MAP3K21: variants seen among roughly 807,000 people sequenced by gnomAD.
MAP3K21 encodes mitogen-activated protein kinase kinase kinase 21, also known as mitogen-activated protein kinase kinase kinase MLK4.
In MAP3K21, 63 loss-of-function variants were observed where a neutral mutation model predicts 86.1. The observed-to-expected ratio is 0.73, with a 90% CI of 0.60 to 0.90. The LOEUF (loss-of-function observed/expected upper bound fraction) is 0.90, where lower values mean the gene tolerates loss of function less well. Among genes scored for constraint, MAP3K21 ranks in the 40% least tolerant of loss-of-function variants. The pLI, the probability that MAP3K21 is intolerant of heterozygous loss-of-function variation, is 0.00. For synonymous variants in MAP3K21, 558 were observed against 564.8 expected, an observed-to-expected ratio of 0.99 and a Z score of 0.17; for missense variants, 1,220 against 1,367.7, an observed-to-expected ratio of 0.89 and a Z score of 1.70.
chr1:233,368,022 G>A (rs1169710501), intron 5 of MAP3K21, among the ~76,000 whole-genome samples: 1 of 152,146 alleles, frequency 6.6e-6, no homozygotes, highest in Non-Finnish European at 1.5e-5. Context: ...GGCTTTCCAC[G>A]TGTTCCATGT....
Position 233,362,250 on chromosome 1 carries a change from T to C in MAP3K21, c.1509T>C (p.Ser503=). 1 of 1,614,188 alleles carries C rather than the reference T, an allele frequency of 6.2e-7. No homozygotes were observed. Among genetic ancestry groups the C allele is most frequent in the East Asian group, 2.2e-5 (1 of 44,888 alleles). ...VKKRKGKFKR[S]RLKLKDGHRI... is the part of the protein sequence containing the mutation. ...AGAGGAAGGGCAAGTTTAAGAGAAG[T>C]CGTTTAAAGCTCAAAGATGGACATC... The change falls in exon 5 of 10, where the codon AGT becomes AGC. Residue 503 remains serine, a synonymous_variant. Coordinates refer to ENST00000366624, the MANE Select transcript of MAP3K21 (RefSeq NM_032435.3).
intron 6 of MAP3K21, among the ~76,000 whole-genome samples, chr1:233,375,079 T>C (rs1663764852): frequency 1.3e-5 from 2 of 151,770 alleles, no homozygotes; most frequent in Non-Finnish European, 2.9e-5. Context: ...GTAGCTGGGA[T>C]TACAGGCGCC....
Position 233,384,000 on chromosome 1 carries a change from A to G in MAP3K21, c.*1289A>G, listed in dbSNP as rs748923487. On this transcript the variant is annotated 3_prime_UTR_variant, in exon 10 of 10. Transcript: ENST00000366624. ...AAATGGCTACCCGAGAGCTTGGTAA[A>G]TTTGCCTTGGTTTCTTATGTTAAAT... 3 of 152,118 alleles carry G rather than the reference A, an allele frequency of 2.0e-5. No homozygotes were observed. The highest frequency in any genetic ancestry group is 4.4e-5 in the Non-Finnish European group (3 of 67,984). 9.4% of individuals were successfully genotyped at this position (152,118 alleles called of 1,614,324 possible).
In MAP3K21 at chr1:233,327,761, C is replaced by A. The variant is rs1056120173; in HGVS notation, c.-268C>A. ...GGCTAAGGAGCGCGCGGCGGGCGGG[C>A]CGGCCGCAGGGCCTGGGCACGACCA... On this transcript the variant is annotated 5_prime_UTR_variant, in exon 1 of 10. Transcript: ENST00000366624. 1.1e-5 allele frequency: 3 copies of A among 272,462 alleles called. No individual in the cohort carries two copies. The highest frequency in any genetic ancestry group is 2.0e-5 in the Non-Finnish European group (3 of 146,638). 16.9% of individuals were successfully genotyped at this position (272,462 alleles called of 1,614,324 possible).
chr1:233,377,357 C>G (rs563831953), intron 8 of MAP3K21, among the ~76,000 whole-genome samples: 51 of 152,096 alleles, frequency 3.4e-4, no homozygotes, highest in African/African-American at 1.2e-3. Flanking sequence ...ATTAAAGATG[C>G]CTTAGCAAGA....
chr1:233,359,641 G>A (rs1663429227), intron 4 of MAP3K21, among the ~76,000 whole-genome samples: 1 of 152,068 alleles, frequency 6.6e-6, no homozygotes, highest in Non-Finnish European at 1.5e-5. Context: ...CTGTATTTGT[G>A]CATTTTGTGC....
At chr1:233,354,440 C>T (rs1302833952) in intron 3 of MAP3K21, among the ~76,000 whole-genome samples, 2 of 152,140 alleles carry the variant, frequency 1.3e-5, no homozygotes, top group Non-Finnish European at 2.9e-5. Context: ...TTTAGAACTT[C>T]TCATGTGGAT....
intron 4 of MAP3K21, among the ~76,000 whole-genome samples, chr1:233,359,655 C>T (rs1387142668): frequency 6.6e-6 from 1 of 152,182 alleles, no homozygotes; most frequent in African/African-American, 2.4e-5. Flanking sequence ...TTTGTGCATG[C>T]ACCTGTCTGT....
At chr1:233,339,143 A>G (rs1159083890) in intron 1 of MAP3K21, among the ~76,000 whole-genome samples, 5 of 152,204 alleles carry the variant, frequency 3.3e-5, no homozygotes, top group South Asian at 4.1e-4. Flanking sequence ...AATGCCACTG[A>G]TAGATGAATA....
intron 8 of MAP3K21, among the ~76,000 whole-genome samples, chr1:233,377,942 A>AT (rs1301159094): frequency 1.3e-5 from 2 of 152,144 alleles, no homozygotes; most frequent in Non-Finnish European, 2.9e-5. Flanking sequence ...TCCTATGAGA[A>AT]TCTAATGCTT....
intron 5 of MAP3K21, among the ~76,000 whole-genome samples, chr1:233,368,192 A>G (rs1277938048): frequency 6.6e-6 from 1 of 152,182 alleles, no homozygotes; most frequent in South Asian, 2.1e-4. Context: ...GTCGTGTTGT[A>G]ACAATCAGGT....
chr1:233,374,300 C>T (rs759004061), intron 6 of MAP3K21, among the ~76,000 whole-genome samples: 1 of 151,832 alleles, frequency 6.6e-6, no homozygotes, highest in African/African-American at 2.4e-5. Context: ...CTCAGCCTCC[C>T]GAGTGGCTGG....
intron 1 of MAP3K21, among the ~76,000 whole-genome samples, chr1:233,341,401 T>C (rs1422607739): frequency 6.6e-6 from 1 of 152,208 alleles, no homozygotes; most frequent in Non-Finnish European, 1.5e-5. Flanking sequence ...GGAATTCTGC[T>C]GAACACCTCT....
chr1:233,365,031 A>G (rs1412080942), intron 5 of MAP3K21, among the ~76,000 whole-genome samples: 1 of 152,208 alleles, frequency 6.6e-6, no homozygotes, highest in Non-Finnish European at 1.5e-5. Flanking sequence ...CAGACATCCA[A>G]AAAGGGAAAT....
rs538387469 is a variant in MAP3K21, at chr1:233,363,812, G to A, written c.1552+1519G>A. Among the ~76,000 whole-genome samples the A allele has an allele frequency of 1.2e-4, 18 of 148,810 alleles. No homozygotes were observed. The South Asian group carries it at 3.0e-3, about 24-fold the overall frequency. On this transcript the variant is annotated intron_variant, in intron 5 of 9. Coordinates refer to ENST00000366624, the MANE Select transcript of MAP3K21 (RefSeq NM_032435.3). ...GCCTGAGATCTGGAGTTTGAGACCA[G>A]ACTGGGCAACATGATGAAACCTTGT...
In MAP3K21 at chr1:233,382,521, T is replaced by G. The variant is rs201308341; in HGVS notation, c.2921T>G (p.Val974Gly). The G allele has an allele frequency of 1.5e-5, 24 of 1,614,158 alleles. No homozygotes were observed. The East Asian group carries it at 5.3e-4, about 36-fold the overall frequency. The change falls in exon 10 of 10, where the codon GTA becomes GGA. Residue 974 changes from valine to glycine, a missense_variant. This residue lies in a region of MAP3K21 where 632 missense variants were observed against 691.3 expected (regional missense o/e 0.91). Transcript: ENST00000366624. Reference sequence around the variant, plus strand: ...TCTCAGCTGGCACAGACTGCCTGTGTAGTGGGTCGCCCAGGACCACATCCC... The same window carrying G: ...TCTCAGCTGGCACAGACTGCCTGTGGAGTGGGTCGCCCAGGACCACATCCC... ...AVSQLAQTAC[V>G]VGRPGPHPTQ... is the part of the protein sequence containing the mutation.
In MAP3K21 at chr1:233,380,218, C is replaced by T. The variant is rs555240458; in HGVS notation, c.2704+508C>T. 2.0e-5 allele frequency among the ~76,000 whole-genome samples: 3 copies of T among 152,306 alleles called. No individual in the cohort carries two copies. The South Asian group carries it at 6.2e-4, about 32-fold the overall frequency. ...GCACAAACTCATTGTCCAGCAGTTC[C>T]AGAGGCTGGAAGTCAGATCAAGGTG... On this transcript the variant is annotated intron_variant, in intron 9 of 9. Transcript: ENST00000366624.
intron 2 of MAP3K21, among the ~76,000 whole-genome samples, chr1:233,350,220 C>T (rs560494057): frequency 2.2e-4 from 33 of 152,058 alleles, no homozygotes; most frequent in East Asian, 1.4e-3. Context: ...TGTATTGTTT[C>T]GAAAGTTGTA....
At chr1:233,372,398 G>A (rs1417018481) in intron 6 of MAP3K21, 3 of 444,846 alleles carry the variant, frequency 6.7e-6, no homozygotes, top group Admixed American at 4.1e-5. Flanking sequence ...ACCTGGCCCC[G>A]GAGTAGAAAG....
Sources: gnomAD v4.1 joint callset for allele counts (sites outside exome capture counted in the v4.1 genomes callset) on GRCh38, gnomAD v4.1.1 for gene constraint, gnomAD v4.1.1 regional missense constraint, MANE v1.5 for transcripts, NCBI Gene and HGNC (gene_info 2026-07-23, HGNC 2026-07-21) for gene names.